The following WDR62 variants were observed in gnomAD, a reference collection of about 807,000 sequenced individuals.
WDR62 encodes WD repeat-containing protein 62.
Under a neutral mutation model 160.6 loss-of-function variants are expected in WDR62, and 112 were observed. The observed-to-expected ratio is 0.70, with a 90% confidence interval of 0.60 to 0.82. The LOEUF (loss-of-function observed/expected upper bound fraction) is 0.82, where lower values mean the gene tolerates loss of function less well. Ranked by LOEUF, WDR62 falls within the 40% of genes least tolerant of loss-of-function variation. The pLI is 0.00. For missense variants in WDR62, 1,819 were observed against 1,983.8 expected, an observed-to-expected ratio of 0.92 and a Z score of 1.58; for synonymous variants, 792 against 815.1, an observed-to-expected ratio of 0.97 and a Z score of 0.48.
rs1230066409 is a variant in WDR62 at position 36,058,814 on chromosome 19, A to T, written c.212A>T (p.Gln71Leu). 6.8e-6 allele frequency: 11 copies of T among 1,614,254 alleles called. No individual in the cohort carries two copies. The highest frequency in any genetic ancestry group is 9.3e-6 in the Non-Finnish European group (11 of 1,180,038). Residue 71 changes from glutamine (Q) to leucine (L), a missense_variant, in exon 2 of 32, where the codon CAG (glutamine) becomes CTG (leucine). Coordinates refer to ENST00000401500, the MANE Select transcript of WDR62 (RefSeq NM_001083961.2). ...SLEKVLGITA[Q>L]NSSGLTCDPG... ...GAGAAGGTGCTTGGCATCACAGCCC[A>T]GAACAGCAGTGGCCTAACCTGTGAC...
intron 7 of WDR62, among the ~76,000 whole-genome samples, chr19:36,069,896 G>A (rs946722055): frequency 6.6e-6 from 1 of 152,032 alleles, no homozygotes; most frequent in East Asian, 1.9e-4. Context: ...CACTCGGCAG[G>A]CTGAGGCAGG....
At position 36,068,855 on chromosome 19, in the gene WDR62, T is replaced by C. The variant is rs867324225; in HGVS notation, c.882+845T>C. On this transcript the variant is annotated intron_variant, in intron 7 of 31. Transcript: ENST00000401500. ...CCGCCATCGTCATCATGGCCCGTTC[T>C]CAATGAGCTGTTGGGTACACCTCCC... Among the ~76,000 whole-genome samples the C allele has an allele frequency of 1.9e-3, 285 of 152,334 alleles. 3 individuals carry two copies. Among genetic ancestry groups the C allele is most frequent in the African/African-American group, 6.7e-3 (278 of 41,584 alleles).
Position 36,102,128 on chromosome 19 carries a change from CACTG to C in WDR62, c.3203_3206del (p.Thr1068SerfsTer29), listed in dbSNP as rs1461777518. 1.9e-6 allele frequency: 3 copies of C among 1,614,130 alleles called. No homozygotes were observed. Among genetic ancestry groups the C allele is most frequent in the East Asian group, 4.5e-5 (2 of 44,874 alleles). ...AAGTTCCTCCGCCACCACTTTGAGA[CACTG>C]ACTGAGTCCCCCTGCAGAGGTAGGG... On this transcript the variant is annotated frameshift_variant, in exon 26 of 32. Coordinates refer to ENST00000401500, the MANE Select transcript of WDR62 (RefSeq NM_001083961.2). LOFTEE classifies it high-confidence loss of function.
intron 24 of WDR62, 57 bp downstream of exon 24, chr19:36,101,374 TTC>T: frequency 1.4e-6 from 2 of 1,455,822 alleles, no homozygotes; most frequent in Non-Finnish European, 9.5e-7. Context: ...CCAAGCCCCT[TTC>T]TGGGCACCGA....
In WDR62 at chr19:36,099,480, G is replaced by T; in HGVS notation, c.2602G>T (p.Ala868Ser). The T allele has an allele frequency of 1.2e-6, 2 of 1,614,036 alleles. No homozygotes were observed. Among genetic ancestry groups the T allele is most frequent in the Non-Finnish European group, 1.7e-6 (2 of 1,180,034 alleles). The change falls in exon 22 of 32, where the codon GCC becomes TCC. Residue 868 changes from alanine (A) to serine (S), a missense_variant. Ala to Ser is a moderately conservative substitution (Grantham distance 99). Transcript: ENST00000401500. ...YQPHGRWAER[A>S]GQEPLKTILD... ...GCCCCACGGCCGCTGGGCAGAGCGG[G>T]CCGGCCAAGAGCCCCTCAAGACCAT...
chr19:36,073,088 C>T (rs1195859497), intron 8 of WDR62, among the ~76,000 whole-genome samples: 1 of 151,796 alleles, frequency 6.6e-6, no homozygotes, highest in Non-Finnish European at 1.5e-5. Flanking sequence ...AAATGATGGG[C>T]GATAAATGTT....
At chr19:36,084,203 T>G in intron 11 of WDR62, among the ~76,000 whole-genome samples, 1 of 152,184 alleles carries the variant, frequency 6.6e-6, no homozygotes, top group East Asian at 1.9e-4. Context: ...ACTCGATGAC[T>G]GATTTCATTT....
intron 6 of WDR62, 110 bp from the exon 7 acceptor site, chr19:36,067,718 C>G: frequency 7.7e-7 from 1 of 1,292,624 alleles, no homozygotes; most frequent in African/African-American, 1.5e-5. Context: ...CTTCCCTTCT[C>G]CATTTGGAAG....
In WDR62 at chr19:36,101,200, C is replaced by A; in HGVS notation, c.2868-14C>A. ...GAAGTCCTTGTTCCCTCTCTGCCCC[C>A]ACTGGCACTGCAGCCAGTATTGCAG... On this transcript the variant is annotated splice_polypyrimidine_tract_variant and intron_variant, in intron 23 of 31. Transcript: ENST00000401500. The A allele has an allele frequency of 1.2e-6, 2 of 1,602,422 alleles. No individual in the cohort carries two copies. The highest frequency in any genetic ancestry group is 1.1e-5 in the South Asian group (1 of 89,308).
chr19:36,100,612 C>A, intron 22 of WDR62, 136 bp from the exon 23 acceptor site: 1 of 1,315,880 alleles, frequency 7.6e-7, no homozygotes. Context: ...CCAGGACAAG[C>A]TGGTTGCGAG....
intron 5 of WDR62, among the ~76,000 whole-genome samples, chr19:36,066,827 C>T (rs1424276168): frequency 2.0e-5 from 3 of 152,134 alleles, no homozygotes; most frequent in Non-Finnish European, 4.4e-5. Flanking sequence ...TGCCCATAAC[C>T]CACTATGTGA....
At chr19:36,071,825 C>T in intron 8 of WDR62, 109 bp downstream of exon 8, 1 of 1,380,498 alleles carries the variant, frequency 7.2e-7, no homozygotes, top group Non-Finnish European at 9.7e-7. Context: ...CCACAAATAC[C>T]CATCATGACT....
At chr19:36,091,344 C>CA in intron 17 of WDR62, 33 bp downstream of exon 17, 1 of 1,585,232 alleles carries the variant, frequency 6.3e-7, no homozygotes, top group Non-Finnish European at 8.7e-7. Context: ...GATGCCTCCC[C>CA]ACCCGCCCAC....
At chr19:36,061,040 C>T (rs1970618386) in intron 3 of WDR62, 1 of 152,332 alleles carries the variant, frequency 6.6e-6, no homozygotes, top group Non-Finnish European at 1.5e-5. Context: ...CACCATGTCC[C>T]TCCTTGGCAT....
Position 36,091,406 on chromosome 19 carries a change from T to G in WDR62, c.2151T>G (p.Ile717Met), listed in dbSNP as rs1568356765. Residue 717 changes from isoleucine (I) to methionine (M), a missense_variant, in exon 18 of 32, where the codon ATT becomes ATG. Transcript: ENST00000401500. The stretch of plus-strand genomic sequence containing the variant: ...GCCTCTCTGCTTTGTTTGCAGAAAT[T>G]ATTACCAGCATGAAGTTCACCTATG... ...CIAKMFGHSE[I>M]ITSMKFTYDC... The G allele has an allele frequency of 6.2e-7, 1 of 1,610,646 alleles. No individual in the cohort carries two copies. The highest frequency in any genetic ancestry group is 8.5e-7 in the Non-Finnish European group (1 of 1,177,940).
At position 36,065,940 on chromosome 19, in the gene WDR62, T is replaced by A. The variant is rs1970913544; in HGVS notation, c.333-18T>A. 1 of 1,613,894 alleles carries A rather than the reference T, an allele frequency of 6.2e-7. No homozygotes were observed. Among genetic ancestry groups the A allele is most frequent in the Non-Finnish European group, 8.5e-7 (1 of 1,179,916 alleles). On this transcript the variant is annotated intron_variant, in intron 3 of 31. Coordinates refer to ENST00000401500, the MANE Select transcript of WDR62 (RefSeq NM_001083961.2). ...ACCCTCAGCGGAACCAGTGATCAGC[T>A]CTTTTCTTTATCCCCAGGAAGTCTC...
chr19:36,063,928 T>C (rs1241666654), intron 3 of WDR62, among the ~76,000 whole-genome samples: 2 of 152,372 alleles, frequency 1.3e-5, no homozygotes, highest in East Asian at 1.9e-4. Flanking sequence ...AAATCTAATG[T>C]ACAGCCAGGA....
intron 13 of WDR62, among the ~76,000 whole-genome samples, chr19:36,087,853 G>A (rs1295024829): frequency 6.6e-6 from 1 of 152,106 alleles, no homozygotes; most frequent in Admixed American, 6.5e-5. Flanking sequence ...AGCTGGGCGT[G>A]GTGGCCGAAG....
At chr19:36,078,814 C>T (rs1313139918) in intron 9 of WDR62, among the ~76,000 whole-genome samples, 4 of 133,730 alleles carry the variant, frequency 3.0e-5, no homozygotes, top group African/African-American at 5.9e-5. Context: ...CCAGCCTGGG[C>T]GACAGGGCGA....
Sources: gnomAD v4.1 joint callset for allele counts (sites outside exome capture counted in the v4.1 genomes callset) on GRCh38, gnomAD v4.1.1 for gene constraint, MANE v1.5 for transcripts, NCBI Gene and HGNC (gene_info 2026-07-23, HGNC 2026-07-21) for gene names.